Variants in CDH13 observed in about 807,000 individuals in gnomAD.
CDH13 encodes cadherin 13.
In CDH13, 24 loss-of-function variants were observed where a neutral mutation model predicts 63.8. That is an observed-to-expected ratio of 0.38 (90% confidence interval 0.27 to 0.53). The LOEUF is 0.53. Ranked by LOEUF, CDH13 falls within the 20% of genes least tolerant of loss-of-function variation. The pLI, the probability that CDH13 is intolerant of heterozygous loss-of-function variation, is 0.85. For synonymous variants in CDH13, 503 were observed against 355.3 expected (o/e 1.42, Z -4.67); for missense variants, 1,049 against 903.1 (o/e 1.16, Z -2.07).
At chr16:82,924,375 T>C (rs2042243242) in intron 2 of CDH13, among the ~76,000 whole-genome samples, 1 of 152,058 alleles carries the variant, frequency 6.6e-6, no homozygotes, top group Non-Finnish European at 1.5e-5. Context: ...AAACAAGAAG[T>C]TTAGAATTAG....
chr16:83,650,606 G>C (rs181749182), intron 8 of CDH13, among the ~76,000 whole-genome samples: 1 of 152,262 alleles, frequency 6.6e-6, no homozygotes, highest in Admixed American at 6.5e-5. Flanking sequence ...TATTGTCACA[G>C]CTTGGATGGT....
At chr16:83,495,809 TGAA>T (rs1232706569) in intron 7 of CDH13, among the ~76,000 whole-genome samples, 1 of 151,976 alleles carries the variant, frequency 6.6e-6, no homozygotes, top group African/African-American at 2.4e-5. Context: ...TTTGGGCAAG[TGAA>T]GAAAAAAGGT....
intron 2 of CDH13, among the ~76,000 whole-genome samples, chr16:83,014,319 TAAAAAAAAA>T (rs34322579): frequency 5.9e-5 from 4 of 67,708 alleles, no homozygotes; most frequent in African/African-American, 8.7e-5. Flanking sequence ...CCCAAATCGA[TAAAAAAAAA>T]AAAAAAAAAA....
intron 3 of CDH13, among the ~76,000 whole-genome samples, chr16:83,066,009 G>A (rs1248023041): frequency 6.6e-6 from 1 of 152,306 alleles, no homozygotes; most frequent in East Asian, 1.9e-4. Flanking sequence ...GTGTGTTACT[G>A]TAAAGCTTGC....
intron 4 of CDH13, among the ~76,000 whole-genome samples, chr16:83,196,187 C>T (rs1468540241): frequency 3.3e-5 from 5 of 152,082 alleles, no homozygotes; most frequent in African/African-American, 7.2e-5. Context: ...ACCCGGGAGG[C>T]GGAGGTTGCA....
intron 6 of CDH13, among the ~76,000 whole-genome samples, chr16:83,349,757 C>T (rs546116935): frequency 2.6e-5 from 4 of 152,186 alleles, no homozygotes; most frequent in Admixed American, 6.5e-5. Context: ...CCTGCCACCA[C>T]GCCCAGCTAA....
chr16:83,546,959 C>A (rs966810773), intron 7 of CDH13, among the ~76,000 whole-genome samples: 1 of 152,134 alleles, frequency 6.6e-6, no homozygotes, highest in Non-Finnish European at 1.5e-5. Context: ...AAACACGGAC[C>A]GGAAGGGACA....
chr16:83,086,580 A>G (rs2033611180), intron 3 of CDH13, among the ~76,000 whole-genome samples: 1 of 152,216 alleles, frequency 6.6e-6, no homozygotes, highest in South Asian at 2.1e-4. Flanking sequence ...TGTATAGCTT[A>G]ACTTATAACT....
chr16:83,345,122 C>T (rs985585756), intron 6 of CDH13, 116 bp downstream of exon 6: 9 of 1,161,266 alleles, frequency 7.8e-6, no homozygotes, highest in Non-Finnish European at 9.7e-6. Context: ...GTATCAGCGT[C>T]GACTTAATAC....
chr16:82,859,648 G>C (rs979556311), intron 2 of CDH13: 1 of 151,926 alleles, frequency 6.6e-6, no homozygotes, highest in African/African-American at 2.4e-5. Context: ...TTCCACATTG[G>C]CTCTTATGGT....
intron 3 of CDH13, among the ~76,000 whole-genome samples, chr16:83,124,559 A>G (rs1045022020): frequency 7.0e-6 from 1 of 143,032 alleles, no homozygotes. Context: ...TTTGCTTTTG[A>G]GGACTAGGCC....
chr16:82,627,192 G>T (rs985141333), intron 1 of CDH13, 55 bp downstream of exon 1: 3 of 1,495,802 alleles, frequency 2.0e-6, no homozygotes, highest in South Asian at 2.4e-5. Flanking sequence ...CATTCGGATC[G>T]CCCGGCACGG....
At chr16:83,743,756 T>TTTTTTC in intron 10 of CDH13, among the ~76,000 whole-genome samples, 1 of 129,982 alleles carries the variant, frequency 7.7e-6, no homozygotes, top group Non-Finnish European at 1.6e-5. Context: ...TTCTTTTTTT[T>TTTTTTC]TTTTTTTTTT....
chr16:82,910,242 C>T (rs61620508), intron 2 of CDH13, among the ~76,000 whole-genome samples: 3,121 of 152,264 alleles, frequency 0.02, 113 homozygotes, highest in African/African-American at 0.072. Context: ...GACTTTGGAA[C>T]TACTTGTCAT....
rs185699398 is a variant in CDH13 at position 82,689,679 on chromosome 16, G to T, written c.45+62542G>T. Reference sequence around the variant, plus strand: ...TCATGGATGTGCATAGCCCCCTCCCGTTTCTGTAAAGTATTGTAAAGGGAC... The same window carrying T: ...TCATGGATGTGCATAGCCCCCTCCCTTTTCTGTAAAGTATTGTAAAGGGAC... On this transcript the variant is annotated intron_variant, in intron 1 of 13. Transcript: ENST00000567109. 1.7e-3 allele frequency among the ~76,000 whole-genome samples: 253 copies of T among 152,118 alleles called. 1 individual carries two copies. Among genetic ancestry groups the T allele is most frequent in the African/African-American group, 6.0e-3 (248 of 41,504 alleles).
intron 2 of CDH13, among the ~76,000 whole-genome samples, chr16:82,883,235 G>A (rs191121601): frequency 1.2e-4 from 19 of 152,344 alleles, no homozygotes; most frequent in African/African-American, 4.6e-4. Context: ...AAAGCAGGCA[G>A]TGTCATCTCA....
intron 1 of CDH13, among the ~76,000 whole-genome samples, chr16:82,657,569 A>T (rs1479583296): frequency 6.6e-6 from 1 of 152,200 alleles, no homozygotes; most frequent in African/African-American, 2.4e-5. Flanking sequence ...ACTGTGATTG[A>T]CCACAGTTGA....
chr16:83,542,244 C>T (rs979973822), intron 7 of CDH13, among the ~76,000 whole-genome samples: 1 of 152,210 alleles, frequency 6.6e-6, no homozygotes, highest in Non-Finnish European at 1.5e-5. Context: ...CTTAGAGTCA[C>T]CCTATCAGAA....
chr16:83,659,042 T>C (rs369907821), intron 8 of CDH13, among the ~76,000 whole-genome samples: 3,171 of 31,782 alleles, frequency 0.1, no homozygotes, highest in Middle Eastern at 0.15. Context: ...CCAGCAAGGT[T>C]CCATGTCCTC....
Sources: gnomAD v4.1 joint callset for allele counts (sites outside exome capture counted in the v4.1 genomes callset) on GRCh38, gnomAD v4.1.1 for gene constraint, MANE v1.5 for transcripts, NCBI Gene and HGNC (gene_info 2026-07-23, HGNC 2026-07-21) for gene names.